The following GRIP1 variants were observed in gnomAD, a reference collection of about 807,000 sequenced individuals.
The protein encoded by GRIP1 is glutamate receptor interacting protein 1.
In GRIP1, 45 loss-of-function variants were observed where a neutral mutation model predicts 129.9. The observed-to-expected ratio is 0.35, with a 90% CI of 0.27 to 0.44. GRIP1 has a LOEUF of 0.44. GRIP1 is among the 20% of genes least tolerant of loss of function. GRIP1 has a pLI of 1.00. For missense variants in GRIP1, 1,196 were observed against 1,396.8 expected, an observed-to-expected ratio of 0.86 and a Z score of 2.29; for synonymous variants, 530 against 520.8, an observed-to-expected ratio of 1.02 and a Z score of -0.24.
chr12:66,557,298 C>T (rs1352823995), intron 2 of GRIP1, among the ~76,000 whole-genome samples: 3 of 152,114 alleles, frequency 2.0e-5, no homozygotes, highest in Non-Finnish European at 4.4e-5. Flanking sequence ...AATATATGTA[C>T]ACCCAACACT....
At chr12:66,822,336 A>G (rs2039335533) in intron 1 of GRIP1, among the ~76,000 whole-genome samples, 1 of 152,232 alleles carries the variant, frequency 6.6e-6, no homozygotes, top group Non-Finnish European at 1.5e-5. Flanking sequence ...AGATTATTAA[A>G]AAGTTGAAAA....
intron 1 of GRIP1, among the ~76,000 whole-genome samples, chr12:66,888,147 T>C (rs2137219969): frequency 6.6e-6 from 1 of 152,230 alleles, no homozygotes; most frequent in Middle Eastern, 3.4e-3. Context: ...AACCTCGACC[T>C]GGGGCTCAAG....
At chr12:66,976,841 C>A (rs2042159827) in intron 1 of GRIP1, among the ~76,000 whole-genome samples, 1 of 152,156 alleles carries the variant, frequency 6.6e-6, no homozygotes, top group Non-Finnish European at 1.5e-5. Context: ...CTCTACTCTT[C>A]CAAACTCTTC....
intron 14 of GRIP1, among the ~76,000 whole-genome samples, chr12:66,430,083 T>A (rs1347940937): frequency 1.3e-5 from 2 of 152,242 alleles, no homozygotes; most frequent in African/African-American, 2.4e-5. Flanking sequence ...CATTTGCAGG[T>A]AAAGCTTCTT....
rs182947204 is a variant in GRIP1 at position 66,966,182 on chromosome 12, C to T, written c.58+102868G>A. On this transcript the variant is annotated intron_variant, in intron 1 of 1. Coordinates refer to the GRIP1 transcript ENST00000643019. ...TGTATTCCAGAAATAAACTGAGTAG[C>T]ATGAATACCAAAAGTTTTATTCAGC... 6.4e-4 allele frequency among the ~76,000 whole-genome samples: 97 copies of T among 152,194 alleles called. No homozygotes were observed. In the East Asian group the frequency reaches 0.013, roughly 21 times the overall value.
chr12:67,061,013 T>C (rs2043524515), intron 1 of GRIP1, among the ~76,000 whole-genome samples: 1 of 152,130 alleles, frequency 6.6e-6, no homozygotes, highest in African/African-American at 2.4e-5. Context: ...GTATTTGAGC[T>C]GGACTTTTCC....
intron 1 of GRIP1, among the ~76,000 whole-genome samples, chr12:66,946,158 T>G (rs942422758): frequency 6.6e-6 from 1 of 152,226 alleles, no homozygotes; most frequent in Non-Finnish European, 1.5e-5. Context: ...AATTCTGACA[T>G]GGCCATTCCA....
At chr12:66,924,410 G>C (rs535242149) in intron 1 of GRIP1, among the ~76,000 whole-genome samples, 2 of 152,306 alleles carry the variant, frequency 1.3e-5, no homozygotes, top group Admixed American at 6.5e-5. Context: ...TGGGGCCCAT[G>C]CTGCAGGTAG....
intron 1 of GRIP1, among the ~76,000 whole-genome samples, chr12:66,935,408 C>A (rs946967327): frequency 6.6e-6 from 1 of 151,926 alleles, no homozygotes; most frequent in African/African-American, 2.4e-5. Flanking sequence ...TCATGGTAGG[C>A]CCCTAGATAA....
intron 1 of GRIP1, among the ~76,000 whole-genome samples, chr12:66,654,437 A>G (rs930392727): frequency 3.1e-4 from 47 of 152,186 alleles, no homozygotes; most frequent in Non-Finnish European, 8.8e-5. Flanking sequence ...GTGAAAATGA[A>G]ACACCATACG....
At chr12:66,464,771 C>T (rs1202975178) in intron 8 of GRIP1, among the ~76,000 whole-genome samples, 1 of 151,956 alleles carries the variant, frequency 6.6e-6, no homozygotes, top group Non-Finnish European at 1.5e-5. Context: ...AGCCCTGTAA[C>T]AGTAACTTGC....
At chr12:66,937,781 C>A (rs750576568) in intron 1 of GRIP1, among the ~76,000 whole-genome samples, 6 of 152,026 alleles carry the variant, frequency 3.9e-5, no homozygotes, top group Non-Finnish European at 5.9e-5. Context: ...GAGAAAGGGG[C>A]AGTTGATGCT....
intron 1 of GRIP1, among the ~76,000 whole-genome samples, chr12:66,910,467 C>G (rs1409718251): frequency 1.3e-5 from 2 of 152,156 alleles, no homozygotes; most frequent in African/African-American, 4.8e-5. Flanking sequence ...ACCACCAAAT[C>G]TGTATTGAAA....
chr12:66,459,832 G>C (rs1037880932), intron 9 of GRIP1, among the ~76,000 whole-genome samples: 1 of 152,172 alleles, frequency 6.6e-6, no homozygotes, highest in South Asian at 2.1e-4. Flanking sequence ...TTTTACAGTG[G>C]TGTACTTGAT....
chr12:66,739,937 T>A (rs1436766622), intron 1 of GRIP1, among the ~76,000 whole-genome samples: 2 of 152,174 alleles, frequency 1.3e-5, no homozygotes, highest in East Asian at 3.9e-4. Context: ...TCATGAATTC[T>A]AGGAAATGGA....
rs1200897353 is a variant in GRIP1 at position 66,515,684 on chromosome 12, A to G, written c.659T>C (p.Met220Thr). ...TTGTCCACATTGTTTAAGAATACTC[A>G]TGGCTTCAGCATGCGTAGTTCCAAG... ...RLLGTTHAEA[M>T]SILKQCGQEA... Residue 220 changes from methionine (M) to threonine (T), a missense_variant, in exon 7 of 25, where the codon ATG becomes ACG. Met to Thr is a moderately conservative substitution (Grantham distance 81). Coordinates refer to ENST00000359742, the MANE Select transcript of GRIP1 (RefSeq NM_001366722.1). 6.2e-7 allele frequency: 1 copy of G among 1,613,340 alleles called. No homozygotes were observed. The highest frequency in any genetic ancestry group is 1.7e-4 in the Middle Eastern group (1 of 6,050).
At chr12:66,437,576 G>T (rs1399789299) in intron 13 of GRIP1, among the ~76,000 whole-genome samples, 1 of 152,176 alleles carries the variant, frequency 6.6e-6, no homozygotes, top group Non-Finnish European at 1.5e-5. Flanking sequence ...AACAAAGTGG[G>T]TTTAACAGAC....
At chr12:66,383,092 T>A (rs2056191641) in intron 19 of GRIP1, among the ~76,000 whole-genome samples, 1 of 151,698 alleles carries the variant, frequency 6.6e-6, no homozygotes, top group Non-Finnish European at 1.5e-5. Context: ...AGGCCAGGAG[T>A]TCGAGACCAG....
intron 1 of GRIP1, among the ~76,000 whole-genome samples, chr12:66,687,537 GA>G (rs544083195): frequency 1.7e-4 from 25 of 147,934 alleles, no homozygotes; most frequent in African/African-American, 4.0e-4. Context: ...GTAAAAAGGT[GA>G]AAAAAAAAAT....
Sources: allele counts gnomAD v4.1 joint callset (sites outside exome capture counted in the v4.1 genomes callset), GRCh38; gene constraint gnomAD v4.1.1; transcripts MANE v1.5; gene names NCBI Gene and HGNC (gene_info 2026-07-23, HGNC 2026-07-21).